SPIDR: variants seen among roughly 807,000 people sequenced by gnomAD.
The protein encoded by SPIDR is DNA repair-scaffolding protein.
A neutral mutation model predicts 104.6 loss-of-function variants in SPIDR; 93 were observed. The observed-to-expected ratio is 0.89, with a 90% CI of 0.75 to 1.06. The LOEUF is 1.06. Among genes scored for constraint, SPIDR ranks in the 50% least tolerant of loss-of-function variants. The probability of loss-of-function intolerance (pLI) is 0.00; values close to 1 mark genes in which losing one functional copy is unlikely to be tolerated. For synonymous variants in SPIDR, 431 were observed against 416.9 expected (o/e 1.03, Z -0.41); for missense variants, 1,154 against 1,111.2 (o/e 1.04, Z -0.55).
intron 5 of SPIDR, among the ~76,000 whole-genome samples, chr8:47,346,860 A>T (rs2052199250): frequency 6.6e-6 from 1 of 150,756 alleles, no homozygotes; most frequent in Admixed American, 6.6e-5. Context: ...TTTTCTTCTT[A>T]GTCTCTCTAG....
intron 8 of SPIDR, among the ~76,000 whole-genome samples, chr8:47,487,271 A>G (rs1448431924): frequency 6.6e-6 from 1 of 152,254 alleles, no homozygotes; most frequent in African/African-American, 2.4e-5. Context: ...CCATTACATA[A>G]TGGTGAAGGG....
intron 5 of SPIDR, among the ~76,000 whole-genome samples, chr8:47,356,837 A>G (rs550128216): frequency 6.6e-6 from 1 of 152,316 alleles, no homozygotes; most frequent in South Asian, 2.1e-4. Flanking sequence ...TAAAATGCGT[A>G]CAGTAAATGA....
chr8:47,368,728 G>A lies in SPIDR; in HGVS notation c.526-27648G>A, dbSNP rs187294744. Reference sequence around the variant, plus strand: ...AATAACTTTATACAGCCTATTGAGTGTAAAACATACATGCAATATTCAGTT... The same window carrying A: ...AATAACTTTATACAGCCTATTGAGTATAAAACATACATGCAATATTCAGTT... On this transcript the variant is annotated intron_variant, in intron 5 of 19. Coordinates refer to ENST00000297423, the MANE Select transcript of SPIDR (RefSeq NM_001080394.4). Among the ~76,000 whole-genome samples, 21 of 152,250 alleles carry A rather than the reference G, an allele frequency of 1.4e-4. No homozygotes were observed. In the East Asian group the frequency reaches 4.1e-3, roughly 29 times the overall value.
intron 5 of SPIDR, among the ~76,000 whole-genome samples, chr8:47,314,250 GA>G (rs1216498342): frequency 2.0e-5 from 3 of 151,424 alleles, no homozygotes; most frequent in Admixed American, 6.6e-5. Context: ...CACTGGAAAA[GA>G]AAAAAATGCA....
chr8:47,456,735 T>C (rs768829394), intron 8 of SPIDR, among the ~76,000 whole-genome samples: 15 of 152,056 alleles, frequency 9.9e-5, no homozygotes, highest in Non-Finnish European at 1.9e-4. Flanking sequence ...CTGAACCCAA[T>C]TTGTAGTCTT....
At chr8:47,511,330 G>T in intron 8 of SPIDR, 1 of 1,218,118 alleles carries the variant, frequency 8.2e-7, no homozygotes. Context: ...TTGGACTGGA[G>T]AGATGGTACT....
chr8:47,421,791 G>A (rs1203372244), intron 7 of SPIDR, among the ~76,000 whole-genome samples: 1 of 152,180 alleles, frequency 6.6e-6, no homozygotes, highest in Non-Finnish European at 1.5e-5. Context: ...GGGTTTTGGT[G>A]TGGATTTCCT....
intron 8 of SPIDR, among the ~76,000 whole-genome samples, chr8:47,487,877 G>A (rs543536768): frequency 9.9e-5 from 15 of 152,052 alleles, no homozygotes; most frequent in African/African-American, 3.4e-4. Flanking sequence ...GAAATTTATC[G>A]CACTAAATGC....
chr8:47,275,865 G>A (rs111758273), intron 1 of SPIDR, among the ~76,000 whole-genome samples: 2,747 of 151,730 alleles, frequency 0.018, 84 homozygotes, highest in African/African-American at 0.064. Flanking sequence ...GTTTTTTGTT[G>A]GTTTGTTTGA....
chr8:47,331,493 T>C (rs2048655631), intron 5 of SPIDR, among the ~76,000 whole-genome samples: 1 of 152,154 alleles, frequency 6.6e-6, no homozygotes, highest in Non-Finnish European at 1.5e-5. Context: ...ATAGAAAAGG[T>C]ACATTATAAT....
At chr8:47,459,271 AG>A (rs2073537846) in intron 8 of SPIDR, among the ~76,000 whole-genome samples, 3 of 151,882 alleles carry the variant, frequency 2.0e-5, no homozygotes, top group Non-Finnish European at 4.4e-5. Flanking sequence ...TGGTCCTGGA[AG>A]TTTTTTTTCT....
At chr8:47,306,051 A>G (rs2043035030) in intron 5 of SPIDR, among the ~76,000 whole-genome samples, 1 of 152,236 alleles carries the variant, frequency 6.6e-6, no homozygotes, top group Non-Finnish European at 1.5e-5. Flanking sequence ...TAATTACCTC[A>G]TATGAATAGA....
At chr8:47,646,530 T>G (rs1296258602) in intron 10 of SPIDR, among the ~76,000 whole-genome samples, 1 of 152,226 alleles carries the variant, frequency 6.6e-6, no homozygotes, top group Non-Finnish European at 1.5e-5. Context: ...ATTAGGAAAT[T>G]AAAAATTATG....
At chr8:47,323,900 G>A (rs1554598551) in intron 5 of SPIDR, among the ~76,000 whole-genome samples, 1 of 152,024 alleles carries the variant, frequency 6.6e-6, no homozygotes, top group African/African-American at 2.4e-5. Flanking sequence ...CATCTTGATT[G>A]GAAACTATTA....
At chr8:47,570,954 A>G (rs2058443766) in intron 8 of SPIDR, among the ~76,000 whole-genome samples, 1 of 151,954 alleles carries the variant, frequency 6.6e-6, no homozygotes, top group Non-Finnish European at 1.5e-5. Context: ...AGCCAGGTGT[A>G]GTGGTGGGCG....
intron 7 of SPIDR, among the ~76,000 whole-genome samples, chr8:47,412,060 T>G (rs1554672087): frequency 6.6e-6 from 1 of 152,238 alleles, no homozygotes. Flanking sequence ...TACTGTAGCC[T>G]TGTAGCATAG....
chr8:47,511,333 AT>A, intron 8 of SPIDR: 2 of 1,197,776 alleles, frequency 1.7e-6, no homozygotes, highest in South Asian at 1.2e-5. Flanking sequence ...GACTGGAGAG[AT>A]GGTACTCAAC....
intron 11 of SPIDR, among the ~76,000 whole-genome samples, chr8:47,691,225 A>T (rs570690113): frequency 1.4e-5 from 2 of 139,712 alleles, no homozygotes; most frequent in East Asian, 2.4e-4. Flanking sequence ...TAGGAGGCGG[A>T]GGTTGTGGTG....
chr8:47,393,677 CCTTTCCTTTCCTT>C (rs2154309192), intron 5 of SPIDR, among the ~76,000 whole-genome samples: 1 of 6,862 alleles, frequency 1.5e-4, no homozygotes, highest in Non-Finnish European at 1.4e-3. Flanking sequence ...TTTCCTTTTT[CCTTTCCTTTCCTT>C]TCCTTTCCTT....
Sources: allele counts gnomAD v4.1 joint callset (sites outside exome capture counted in the v4.1 genomes callset), GRCh38; gene constraint gnomAD v4.1.1; transcripts MANE v1.5; gene names NCBI Gene and HGNC (gene_info 2026-07-23, HGNC 2026-07-21).